SLIT2: variants seen among roughly 807,000 people sequenced by gnomAD.
SLIT2 encodes slit guidance ligand 2.
SLIT2 carries 41 observed loss-of-function variants against 185.7 expected under a neutral mutation model. That is an observed-to-expected ratio of 0.22 (90% CI 0.17 to 0.29). The LOEUF is 0.29. SLIT2 is among the 10% of genes least tolerant of loss of function. The pLI is 1.00. For synonymous variants in SLIT2, 693 were observed against 680.2 expected (o/e 1.02, Z -0.29); for missense variants, 1,571 against 1,909.0 (o/e 0.82, Z 3.30).
Position 20,524,006 on chromosome 4 carries a change from T to A in SLIT2, c.1275-8T>A. ...ATCTATAAAACTGTTCTGTATGTGTTTCCAAAGGCATTTGGCCCAGAACCC... is the reference window on the plus strand; with the variant it reads ...ATCTATAAAACTGTTCTGTATGTGTATCCAAAGGCATTTGGCCCAGAACCC... On this transcript the variant is annotated splice_region_variant and splice_polypyrimidine_tract_variant and intron_variant, in intron 13 of 36. Coordinates refer to ENST00000504154, the MANE Select transcript of SLIT2 (RefSeq NM_004787.4). The A allele has an allele frequency of 1.2e-6, 2 of 1,614,108 alleles. No homozygotes were observed. The highest frequency in any genetic ancestry group is 1.7e-6 in the Non-Finnish European group (2 of 1,179,982).
intron 4 of SLIT2, among the ~76,000 whole-genome samples, chr4:20,292,148 C>G (rs1386271716): frequency 6.6e-6 from 1 of 152,098 alleles, no homozygotes. Flanking sequence ...ATGATGAATT[C>G]TCTTTTCCCC....
At chr4:20,417,102 C>T (rs1210485415) in intron 4 of SLIT2, among the ~76,000 whole-genome samples, 3 of 151,960 alleles carry the variant, frequency 2.0e-5, no homozygotes, top group Admixed American at 6.6e-5. Context: ...TACTTGACCT[C>T]ATCCTTCATT....
chr4:20,362,428 G>A (rs1409382633), intron 4 of SLIT2, among the ~76,000 whole-genome samples: 1 of 152,090 alleles, frequency 6.6e-6, no homozygotes, highest in African/African-American at 2.4e-5. Context: ...GTGGGGGAAA[G>A]CAAAGGGACA....
chr4:20,276,825 A>G (rs1327184212), intron 4 of SLIT2, among the ~76,000 whole-genome samples: 3 of 152,214 alleles, frequency 2.0e-5, no homozygotes, highest in African/African-American at 7.2e-5. Context: ...GTCTTAAACC[A>G]TCAGAATTCT....
chr4:20,309,519 TTC>T (rs1717883179), intron 4 of SLIT2, among the ~76,000 whole-genome samples: 1 of 152,064 alleles, frequency 6.6e-6, no homozygotes, highest in African/African-American at 2.4e-5. Flanking sequence ...CTTAAAATTC[TTC>T]TGTCCTCAAA....
Position 20,541,604 on chromosome 4 carries a change from T to C in SLIT2, c.2128T>C (p.Phe710Leu). The change falls in exon 20 of 37, where the codon TTC (phenylalanine) becomes CTC (leucine). Residue 710 changes from phenylalanine (F) to leucine (L), a missense_variant. Transcript: ENST00000504154. ...CATCCAGGATGTGGCCATTCAGGAC[T>C]TCACTTGTGATGACGGTAAGAAATA... ...IPIQDVAIQD[F>L]TCDDGNDDNS... is the part of the protein sequence containing the mutation. The C allele has an allele frequency of 6.2e-7, 1 of 1,613,876 alleles. No individual in the cohort carries two copies. The highest frequency in any genetic ancestry group is 1.1e-5 in the South Asian group (1 of 91,060).
intron 4 of SLIT2, among the ~76,000 whole-genome samples, chr4:20,281,126 C>T (rs71607013): frequency 0.027 from 4,104 of 152,192 alleles, 62 homozygotes; most frequent in South Asian, 0.09. Flanking sequence ...AGCCACTGCA[C>T]CCAGCTGGTT....
intron 4 of SLIT2, among the ~76,000 whole-genome samples, chr4:20,286,907 A>G (rs1392629800): frequency 6.6e-6 from 1 of 152,190 alleles, no homozygotes; most frequent in East Asian, 1.9e-4. Context: ...CATTACACTC[A>G]AAGGTACTCT....
chr4:20,340,791 T>C (rs1720899158), intron 4 of SLIT2, among the ~76,000 whole-genome samples: 1 of 151,996 alleles, frequency 6.6e-6, no homozygotes, highest in Admixed American at 6.6e-5. Context: ...TTGGTAGAGA[T>C]GGGGTTTCAT....
intron 4 of SLIT2, chr4:20,394,838 A>G (rs1725745331): frequency 6.6e-6 from 1 of 152,104 alleles, no homozygotes; most frequent in Non-Finnish European, 1.5e-5. Context: ...TGTAAATAAA[A>G]CACTGAGGTC....
chr4:20,362,150 T>C (rs1295814525), intron 4 of SLIT2, among the ~76,000 whole-genome samples: 1 of 152,140 alleles, frequency 6.6e-6, no homozygotes, highest in Admixed American at 6.6e-5. Flanking sequence ...GATGGCCTTT[T>C]TCCTGAGGTA....
At chr4:20,508,593 T>C (rs1434080974) in intron 9 of SLIT2, among the ~76,000 whole-genome samples, 2 of 152,088 alleles carry the variant, frequency 1.3e-5, no homozygotes, top group Non-Finnish European at 2.9e-5. Flanking sequence ...TAAAATATGC[T>C]CAAAATTCTA....
chr4:20,603,177 T>C (rs73255305), intron 33 of SLIT2, among the ~76,000 whole-genome samples: 23,687 of 152,160 alleles, frequency 0.16, 2,279 homozygotes, highest in East Asian at 0.34. Flanking sequence ...TCTTACATGG[T>C]GGCAGACAAG....
chr4:20,438,382 C>T (rs1007590681), intron 4 of SLIT2, among the ~76,000 whole-genome samples: 68 of 152,172 alleles, frequency 4.5e-4, no homozygotes, highest in African/African-American at 1.4e-3. Context: ...TCACATCTTA[C>T]GTGAATGGCC....
intron 4 of SLIT2, among the ~76,000 whole-genome samples, chr4:20,376,612 G>A (rs1427044162): frequency 1.3e-5 from 2 of 152,052 alleles, no homozygotes; most frequent in African/African-American, 4.8e-5. Context: ...TTTAGCCCCT[G>A]CAAGAGACCT....
In SLIT2 at chr4:20,549,188, C is replaced by G. The variant is rs577509317; in HGVS notation, c.2489+60C>G. On this transcript the variant is annotated intron_variant, in intron 24 of 36. Transcript: ENST00000504154. ...CTCAGAGATCTGAGTTTGGGGTTGT[C>G]TTTTTAAGGATGTAACTGCTTTGTT... The G allele has an allele frequency of 5.1e-6, 5 of 979,474 alleles. No individual in the cohort carries two copies. The East Asian group carries it at 1.2e-4, about 24-fold the overall frequency. 60.7% of individuals were successfully genotyped at this position (979,474 alleles called of 1,614,324 possible).
At chr4:20,604,110 A>G (rs1728610510) in intron 33 of SLIT2, among the ~76,000 whole-genome samples, 1 of 152,150 alleles carries the variant, frequency 6.6e-6, no homozygotes, top group Admixed American at 6.5e-5. Context: ...CACGATATTG[A>G]GTAATGCTGA....
intron 9 of SLIT2, among the ~76,000 whole-genome samples, chr4:20,508,066 T>C (rs1382084403): frequency 1.3e-5 from 2 of 152,040 alleles, no homozygotes; most frequent in Non-Finnish European, 2.9e-5. Flanking sequence ...TCACTCTATT[T>C]AGAGCTTTTG....
At chr4:20,426,770 A>AT (rs1728591414) in intron 4 of SLIT2, among the ~76,000 whole-genome samples, 1 of 152,200 alleles carries the variant, frequency 6.6e-6, no homozygotes, top group South Asian at 2.1e-4. Context: ...GATAATGATG[A>AT]TAAAAAAATA....
Sources: gnomAD v4.1 joint callset for allele counts (sites outside exome capture counted in the v4.1 genomes callset) on GRCh38, gnomAD v4.1.1 for gene constraint, MANE v1.5 for transcripts, NCBI Gene and HGNC (gene_info 2026-07-23, HGNC 2026-07-21) for gene names.